TMPRSS9: variants seen among roughly 807,000 people sequenced by gnomAD.
TMPRSS9 encodes the protein transmembrane serine protease 9, also known as transmembrane protease serine 9.
Under a neutral mutation model 111.4 loss-of-function variants are expected in TMPRSS9, and 113 were observed. That is an observed-to-expected ratio of 1.01 (90% CI 0.87 to 1.19). The LOEUF (loss-of-function observed/expected upper bound fraction) is 1.19. Among genes scored for constraint, TMPRSS9 ranks in the 50% most tolerant of loss-of-function variants. The pLI is 0.00. For synonymous variants in TMPRSS9, 805 were observed against 659.1 expected (o/e 1.22, Z -3.39); for missense variants, 1,803 against 1,513.1 (o/e 1.19, Z -3.18).
exon 14 of TMPRSS9, chr19:2,421,984 A>G (rs1458097686): frequency 6.2e-7 from 1 of 1,613,152 alleles, no homozygotes; most frequent in Non-Finnish European, 8.5e-7. Flanking sequence ...ACCAGGCTAA[A>G]GGGCTGGATC....
At chr19:2,385,344 G>A (rs1970457732), upstream of TMPRSS9, among the ~76,000 whole-genome samples, 1 of 152,154 alleles carries the variant, frequency 6.6e-6, no homozygotes, top group African/African-American at 2.4e-5. Context: ...TTCTGCTTAG[G>A]GATCCATGCG....
intron 1 of TMPRSS9, among the ~76,000 whole-genome samples, chr19:2,362,293 C>T (rs1450540600): frequency 2.6e-5 from 4 of 151,482 alleles, no homozygotes; most frequent in South Asian, 4.2e-4. Context: ...TGTGTGGTTG[C>T]GTATAGTTAT....
intron 13 of TMPRSS9, 84 bp from the exon 15 acceptor site, chr19:2,421,770 A>C: frequency 7.0e-7 from 1 of 1,432,932 alleles, no homozygotes; most frequent in Non-Finnish European, 9.4e-7. Flanking sequence ...GCTCCCACCC[A>C]CTGTAGGAAC....
chr19:2,362,055 C>T (rs745899470), intron 1 of TMPRSS9, among the ~76,000 whole-genome samples: 27 of 151,684 alleles, frequency 1.8e-4, no homozygotes, highest in Non-Finnish European at 3.4e-4. Flanking sequence ...ATAATTGTGT[C>T]TGTAGCTGCA....
intron 1 of TMPRSS9, among the ~76,000 whole-genome samples, chr19:2,394,382 CA>C (rs1047324993): frequency 6.6e-6 from 1 of 151,792 alleles, no homozygotes; most frequent in Non-Finnish European, 1.5e-5. Flanking sequence ...GACCTTGTCT[CA>C]AAAAAATAAA....
At chr19:2,370,833 G>A (rs1436344861) in intron 1 of TMPRSS9, among the ~76,000 whole-genome samples, 2 of 151,894 alleles carry the variant, frequency 1.3e-5, no homozygotes, top group Non-Finnish European at 2.9e-5. Context: ...GTGGTGGCAT[G>A]CATTTGTAGT....
chr19:2,391,237 C>CAAAAAA lies in TMPRSS9; in HGVS notation c.142+1327_142+1332dup, dbSNP rs10650164. ...CCTGGGCAACAGAGCAATTCCATCT[C>CAAAAAA]AAAAAAAAAAAAAAAAAAAAAAGTT... On this transcript the variant is annotated intron_variant, in intron 1 of 17. Coordinates refer to ENST00000648592, the Ensembl canonical transcript of TMPRSS9. Among the ~76,000 whole-genome samples the CAAAAAA allele has an allele frequency of 1.1e-4, 6 of 53,012 alleles. 1 individual carries two copies. Among genetic ancestry groups the CAAAAAA allele is most frequent in the African/African-American group, 4.5e-4 (4 of 8,974 alleles). 34.8% of individuals were successfully genotyped at this position (53,012 alleles called of 152,430 possible).
chr19:2,405,222 C>T, intron 6 of TMPRSS9, 152 bp from the exon 8 acceptor site: 1 of 926,906 alleles, frequency 1.1e-6, no homozygotes, highest in Non-Finnish European at 1.5e-6. Flanking sequence ...GATGGGGAGA[C>T]CCCAGAAGAG....
rs34251969 is a variant in TMPRSS9 at position 2,379,615 on chromosome 19, CTCTTTCTTTCTTTCTTTCTT to C, written c.-25-10102_-25-10083del. Among the ~76,000 whole-genome samples, 130 of 118,614 alleles carry C rather than the reference CTCTTTCTTTCTTTCTTTCTT, an allele frequency of 1.1e-3. 2 individuals are homozygous for C. Among genetic ancestry groups the C allele is most frequent in the East Asian group, 0.011 (40 of 3,802 alleles). The allele number at this position is 118,614 out of a possible 152,430, so 77.8% of individuals were successfully genotyped here. On this transcript the variant is annotated intron_variant, in intron 1 of 17. Transcript: ENST00000649857. ...GACATTCCCTAAACTAACTTTCTTTCTCTTTCTTTCTTTCTTTCTTTCTTTCTTTCTTTCTTTCTTTCTTT... is the reference window on the plus strand; with the variant it reads ...GACATTCCCTAAACTAACTTTCTTTCTCTTTCTTTCTTTCTTTCTTTCTTT...
At position 2,413,683 on chromosome 19, in the gene TMPRSS9, G is replaced by A. The variant is rs1971147972; in HGVS notation, c.1255-17G>A. ...GCTGCTGCCGACCCATCCTGAGGGTGTGTGTTGGTTTCCTAGGGTGACTCA... is the reference window on the plus strand; with the variant it reads ...GCTGCTGCCGACCCATCCTGAGGGTATGTGTTGGTTTCCTAGGGTGACTCA... On this transcript the variant is annotated splice_polypyrimidine_tract_variant and intron_variant, in intron 9 of 17. Transcript: ENST00000648592. The A allele has an allele frequency of 5.0e-6, 8 of 1,590,034 alleles. No individual in the cohort carries two copies. The highest frequency in any genetic ancestry group is 4.0e-5 in the African/African-American group (3 of 74,548).
chr19:2,408,434 C>T, exon 8 of TMPRSS9: 1 of 1,613,848 alleles, frequency 6.2e-7, no homozygotes, highest in Middle Eastern at 1.6e-4. Context: ...CCGTGCGGGC[C>T]CAGGTGGTCC....
chr19:2,421,979 G>T (rs748665233), exon 14 of TMPRSS9: 4 of 1,613,048 alleles, frequency 2.5e-6, no homozygotes, highest in Non-Finnish European at 3.4e-6. Context: ...GCATCACCAG[G>T]CTAAAGGGCT....
intron 2 of TMPRSS9, among the ~76,000 whole-genome samples, chr19:2,397,373 C>G (rs1276522878): frequency 4.0e-5 from 6 of 151,892 alleles, no homozygotes; most frequent in African/African-American, 1.5e-4. Flanking sequence ...TCACTGCAAC[C>G]TCTGCCTCCC....
intron 1 of TMPRSS9, among the ~76,000 whole-genome samples, chr19:2,381,992 G>C (rs934197944): frequency 6.6e-6 from 1 of 152,108 alleles, no homozygotes; most frequent in African/African-American, 2.4e-5. Context: ...ACAGGCGTGT[G>C]CCATCACGCC....
intron 4 of TMPRSS9, 28 bp downstream of exon 5, chr19:2,399,221 C>T: frequency 6.4e-7 from 1 of 1,551,328 alleles, no homozygotes; most frequent in Non-Finnish European, 8.7e-7. Context: ...ACCGAAACCC[C>T]ATCACGAGGA....
chr19:2,389,527 C>T (rs1432061587), upstream of TMPRSS9, among the ~76,000 whole-genome samples: 1 of 151,768 alleles, frequency 6.6e-6, no homozygotes, highest in East Asian at 1.9e-4. Flanking sequence ...CACCAACATG[C>T]CTGGCTAATT....
intron 5 of TMPRSS9, 97 bp from the exon 7 acceptor site, chr19:2,402,985 A>G (rs1055287633): frequency 7.0e-6 from 6 of 860,566 alleles, no homozygotes; most frequent in African/African-American, 3.4e-5. Context: ...GAGTTTCCAC[A>G]TTTCCGTACC....
At chr19:2,372,710 C>G (rs1169756701) in intron 1 of TMPRSS9, among the ~76,000 whole-genome samples, 1 of 151,950 alleles carries the variant, frequency 6.6e-6, no homozygotes, top group African/African-American at 2.4e-5. Context: ...TTTGGTCTGT[C>G]CAGCACTAAA....
chr19:2,377,297 G>A (rs924581675), intron 1 of TMPRSS9, among the ~76,000 whole-genome samples: 2 of 113,628 alleles, frequency 1.8e-5, no homozygotes, highest in Non-Finnish European at 3.3e-5. Context: ...ATGTATATAT[G>A]TATGTATGTA....
Sources: allele counts gnomAD v4.1 joint callset (sites outside exome capture counted in the v4.1 genomes callset), GRCh38; gene constraint gnomAD v4.1.1; transcripts MANE v1.5; gene names NCBI Gene and HGNC (gene_info 2026-07-23, HGNC 2026-07-21).